The following EXOC1 variants were observed in gnomAD, a reference collection of about 807,000 sequenced individuals.
EXOC1 encodes the protein exocyst complex component 1.
In EXOC1, 67 loss-of-function variants were observed where a neutral mutation model predicts 107.7. The ratio of observed to expected loss-of-function variants is 0.62; its 90% confidence interval spans 0.51 to 0.76. The LOEUF (loss-of-function observed/expected upper bound fraction) is 0.76, where lower values mean the gene tolerates loss of function less well. EXOC1 is among the 30% of genes least tolerant of loss of function. EXOC1 has a pLI of 0.00. For missense variants in EXOC1, 833 were observed against 1,055.7 expected, an observed-to-expected ratio of 0.79 and a Z score of 2.92; for synonymous variants, 348 against 353.5, an observed-to-expected ratio of 0.98 and a Z score of 0.17.
intron 10 of EXOC1, among the ~76,000 whole-genome samples, chr4:55,884,625 A>C (rs1723699311): frequency 6.6e-6 from 1 of 152,204 alleles, no homozygotes; most frequent in African/African-American, 2.4e-5. Context: ...TCTTGCATGT[A>C]TCCATCTCTG....
chr4:55,886,519 C>T (rs902645439), intron 10 of EXOC1, among the ~76,000 whole-genome samples: 7 of 150,780 alleles, frequency 4.6e-5, no homozygotes, highest in Admixed American at 2.0e-4. Context: ...TGCCACTACA[C>T]TCCAGCCTGG....
At chr4:55,901,133 G>A (rs1577794146) in intron 17 of EXOC1, among the ~76,000 whole-genome samples, 1 of 152,106 alleles carries the variant, frequency 6.6e-6, no homozygotes, top group Non-Finnish European at 1.5e-5. Flanking sequence ...TGTTGTTGAA[G>A]CACTAGCCAG....
chr4:55,896,957 A>G, intron 16 of EXOC1, 57 bp downstream of exon 16: 1 of 1,435,758 alleles, frequency 7.0e-7, no homozygotes, highest in Middle Eastern at 2.0e-4. Context: ...ATTTCTGGTA[A>G]CTAAGAAATC....
rs780130681 is a variant in EXOC1 at position 55,902,564 on chromosome 4, G to C, written c.2532+26G>C. ...GTATGCTTACTTCTTTTGACCATCT[G>C]ACTTAAAGATCCTTACATATATTGC... is the stretch of plus-strand genomic sequence containing the variant. On this transcript the variant is annotated intron_variant, in intron 18 of 18. Transcript: ENST00000381295. 2.8e-6 allele frequency: 4 copies of C among 1,442,638 alleles called. No individual in the cohort carries two copies. In the African/African-American group the frequency reaches 4.4e-5, roughly 16 times the overall value. 89.4% of individuals were successfully genotyped at this position (1,442,638 alleles called of 1,614,324 possible).
At position 55,858,301 on chromosome 4, in the gene EXOC1, C is replaced by A. The variant is rs756616252; in HGVS notation, c.-10-13C>A. On this transcript the variant is annotated splice_polypyrimidine_tract_variant and intron_variant, in intron 1 of 18. Coordinates refer to ENST00000381295, the MANE Select transcript of EXOC1 (RefSeq NM_001024924.2). The stretch of plus-strand genomic sequence containing the variant: ...TGAGGGTGAGCTTAATATCTATACT[C>A]CACATTTTTCAGCTGAGAAAAGATG... The A allele has an allele frequency of 2.5e-6, 4 of 1,594,616 alleles. No homozygotes were observed. In the African/African-American group the frequency reaches 4.1e-5, roughly 16 times the overall value.
chr4:55,893,494 C>A, intron 14 of EXOC1, 58 bp from the exon 15 acceptor site: 1 of 1,440,004 alleles, frequency 6.9e-7, no homozygotes, highest in Non-Finnish European at 9.6e-7. Flanking sequence ...TTAAAGTTAA[C>A]GGTGAATTCA....
Position 55,871,863 on chromosome 4 carries a change from C to T in EXOC1, c.979C>T (p.Leu327=), listed in dbSNP as rs1326538141. Residue 327 remains leucine (L), a synonymous_variant, in exon 8 of 19, where the codon CTG becomes TTG. Transcript: ENST00000381295. ...TTCTGTGTCAGGCCATGACTTGCTT[C>T]TGGCAGTCAAACAGCAACAGCAGCG... ...VALRPGHDLL[L]AVKQQQQRFS... 6.2e-7 allele frequency: 1 copy of T among 1,613,762 alleles called. No individual in the cohort carries two copies. The highest frequency in any genetic ancestry group is 1.1e-5 in the South Asian group (1 of 91,066).
At chr4:55,876,845 A>G in intron 8 of EXOC1, 8 of 985,022 alleles carry the variant, frequency 8.1e-6, no homozygotes, top group Non-Finnish European at 9.6e-6. Flanking sequence ...AAATTGGGAT[A>G]TATTCTCACA....
At chr4:55,854,698 G>A (rs76008699) in intron 1 of EXOC1, among the ~76,000 whole-genome samples, 2,271 of 152,314 alleles carry the variant, frequency 0.015, 40 homozygotes, top group African/African-American at 0.046. Context: ...TATGAGGTAT[G>A]CCCAATCCTG....
intron 3 of EXOC1, among the ~76,000 whole-genome samples, chr4:55,860,864 A>G (rs1177578114): frequency 6.6e-6 from 1 of 151,668 alleles, no homozygotes; most frequent in Admixed American, 6.6e-5. Flanking sequence ...AACCAAAGTG[A>G]TCCTTCCTTA....
intron 12 of EXOC1, 67 bp from the exon 13 acceptor site, chr4:55,891,248 A>T: frequency 1.1e-6 from 1 of 939,244 alleles, no homozygotes; most frequent in South Asian, 1.3e-5. Context: ...AGAAAATTAA[A>T]TGTGGAGTGT....
At chr4:55,868,616 T>TTA in intron 5 of EXOC1, 93 bp downstream of exon 5, 1 of 1,065,520 alleles carries the variant, frequency 9.4e-7, no homozygotes, top group African/African-American at 1.6e-5. Flanking sequence ...ACTTAAGCCT[T>TTA]TATAGTGTGT....
rs140210927 is a variant in EXOC1, at chr4:55,902,487, C to T, written c.2481C>T (p.Asn827=). 450 of 1,564,546 alleles carry T rather than the reference C, an allele frequency of 2.9e-4. No individual in the cohort carries two copies. Among genetic ancestry groups the T allele is most frequent in the Admixed American group, 4.5e-4 (22 of 49,118 alleles). The change falls in exon 18 of 19, where the codon AAC becomes AAT. Residue 827 remains asparagine (N), a synonymous_variant. Coordinates refer to ENST00000381295, the MANE Select transcript of EXOC1 (RefSeq NM_001024924.2). The part of the protein sequence containing the change: ...PGKEVKKGLD[N]LYKKVDKHLC... ...AGGAAGTAAAAAAAGGTCTAGATAA[C>T]CTCTACAAGAAAGTTGATAAACATT...
chr4:55,855,925 C>T (rs1474691191), intron 1 of EXOC1, among the ~76,000 whole-genome samples: 2 of 152,044 alleles, frequency 1.3e-5, no homozygotes, highest in Non-Finnish European at 2.9e-5. Context: ...TGTGGAGAGA[C>T]GGAGAAGCAA....
At chr4:55,861,438 A>G (rs1240973677) in intron 3 of EXOC1, among the ~76,000 whole-genome samples, 2 of 152,246 alleles carry the variant, frequency 1.3e-5, no homozygotes, top group Admixed American at 6.5e-5. Flanking sequence ...GTGTAAAGCA[A>G]TCTGTTAAAA....
intron 8 of EXOC1, chr4:55,875,827 G>A: frequency 1.0e-6 from 1 of 975,526 alleles, no homozygotes; most frequent in Non-Finnish European, 1.2e-6. Context: ...CACTTTGGGA[G>A]GCTGAAGTGG....
rs139284771 is a variant in EXOC1 at position 55,891,820 on chromosome 4, A to G, written c.1647+398A>G. On this transcript the variant is annotated intron_variant, in intron 13 of 18. Transcript: ENST00000381295. The stretch of plus-strand genomic sequence containing the variant: ...TTTGGTATACCAAATAACAATAATG[A>G]TAAATAAAAGAAAATGAGGCCTCAG... 5.1e-3 allele frequency among the ~76,000 whole-genome samples: 775 copies of G among 152,330 alleles called. 7 individuals are homozygous for G. The highest frequency in any genetic ancestry group is 0.018 in the African/African-American group (737 of 41,574).
intron 9 of EXOC1, among the ~76,000 whole-genome samples, chr4:55,880,853 TG>T (rs1450329738): frequency 6.6e-6 from 1 of 152,170 alleles, no homozygotes; most frequent in African/African-American, 2.4e-5. Context: ...CGTCATCCTG[TG>T]ATTTGAGCTT....
chr4:55,863,303 A>G (rs1721649338), intron 3 of EXOC1, among the ~76,000 whole-genome samples: 1 of 152,086 alleles, frequency 6.6e-6, no homozygotes, highest in South Asian at 2.1e-4. Context: ...TGAAGAAACT[A>G]TAGTGTAATT....
Sources: allele counts gnomAD v4.1 joint callset (sites outside exome capture counted in the v4.1 genomes callset), GRCh38; gene constraint gnomAD v4.1.1; transcripts MANE v1.5; gene names NCBI Gene and HGNC (gene_info 2026-07-23, HGNC 2026-07-21).